The following GRAMD1C variants were observed in gnomAD, a reference collection of about 807,000 sequenced individuals.
The protein encoded by GRAMD1C is protein Aster-C.
Under a neutral mutation model 97.8 loss-of-function variants are expected in GRAMD1C, and 89 were observed. The ratio of observed to expected loss-of-function variants is 0.91; its 90% CI spans 0.77 to 1.09. The LOEUF is 1.09. GRAMD1C is among the 50% of genes least tolerant of loss of function. The pLI is 0.00. For missense variants in GRAMD1C, 740 were observed against 766.4 expected (o/e 0.97, Z 0.41); for synonymous variants, 256 against 267.0 (o/e 0.96, Z 0.40).
At chr3:113,836,137 G>T (rs913094220), upstream of GRAMD1C, among the ~76,000 whole-genome samples, 22 of 151,974 alleles carry the variant, frequency 1.4e-4, no homozygotes, top group Admixed American at 1.3e-3. Flanking sequence ...GGTGGTGGGC[G>T]CCTGTAGTCC....
intron 2 of GRAMD1C, among the ~76,000 whole-genome samples, chr3:113,852,211 T>G (rs2712334): frequency 0.45 from 68,485 of 151,908 alleles, 15,610 homozygotes; most frequent in Admixed American, 0.47. Context: ...ATTAGTATGT[T>G]TGTAACATAC....
chr3:113,914,217 A>G (rs1373186429), intron 9 of GRAMD1C, among the ~76,000 whole-genome samples: 2 of 152,290 alleles, frequency 1.3e-5, no homozygotes, highest in East Asian at 3.9e-4. Flanking sequence ...AGCTTAGCAA[A>G]ATTGCCTAGT....
At chr3:113,878,026 C>T (rs1935116436) in intron 5 of GRAMD1C, among the ~76,000 whole-genome samples, 1 of 152,178 alleles carries the variant, frequency 6.6e-6, no homozygotes, top group South Asian at 2.1e-4. Flanking sequence ...GCGATCCGCT[C>T]ACCTTGGCCT....
chr3:113,877,940 G>A (rs1935110797), intron 5 of GRAMD1C, among the ~76,000 whole-genome samples: 1 of 152,050 alleles, frequency 6.6e-6, no homozygotes, highest in African/African-American at 2.4e-5. Flanking sequence ...ACCATGCCCA[G>A]CTTATCTTTT....
chr3:113,833,120 C>CTTTTTTTTTTTT (rs200062835), intron 1 of GRAMD1C, among the ~76,000 whole-genome samples: 12 of 129,458 alleles, frequency 9.3e-5, no homozygotes, highest in African/African-American at 1.2e-4. Flanking sequence ...TTCTTTCTTT[C>CTTTTTTTTTTTT]TTTTTTTTTT....
chr3:113,913,101 GC>G (rs1442055964), intron 9 of GRAMD1C: 3 of 1,283,534 alleles, frequency 2.3e-6, no homozygotes, highest in East Asian at 1.1e-4. Context: ...TTAGTCATAC[GC>G]TGTTTACCTG....
chr3:113,933,107 A>G (rs1372618590), intron 11 of GRAMD1C, among the ~76,000 whole-genome samples: 1 of 150,722 alleles, frequency 6.6e-6, no homozygotes, highest in Admixed American at 6.6e-5. Context: ...CTGGTCTTGA[A>G]CTCCTGGCCA....
chr3:113,885,684 T>A, intron 6 of GRAMD1C: 2 of 1,523,190 alleles, frequency 1.3e-6, no homozygotes, highest in Non-Finnish European at 1.8e-6. Flanking sequence ...GCTGGTGGTG[T>A]TTACAGAAAG....
chr3:113,844,549 A>T lies in GRAMD1C; in HGVS notation c.74A>T (p.Asp25Val). The change falls in exon 2 of 18, where the codon GAT (aspartate) becomes GTT (valine). Residue 25 changes from aspartate (D) to valine (V), a missense_variant. Coordinates refer to ENST00000358160, the MANE Select transcript of GRAMD1C (RefSeq NM_017577.5). ...AGCCTTGCCACCGACTTACAGGAAG[A>T]TGTAGAGGAAAATCCTAGTCCAACT... ...DSSLATDLQE[D>V]VEENPSPTVE... 1 of 1,605,714 alleles carries T rather than the reference A, an allele frequency of 6.2e-7. No homozygotes were observed. The highest frequency in any genetic ancestry group is 1.3e-5 in the African/African-American group (1 of 74,828).
At chr3:113,832,039 G>GTTTTTTTTTTTTTTTTTTTTTTTTTTTT (rs113465428) in intron 1 of GRAMD1C, among the ~76,000 whole-genome samples, 2 of 149,522 alleles carry the variant, frequency 1.3e-5, no homozygotes, top group African/African-American at 5.1e-5. Context: ...CAGCAACTTT[G>GTTTTTTTTTTTTTTTTTTTTTTTTTTTT]TTTTTTTTGA....
intron 5 of GRAMD1C, among the ~76,000 whole-genome samples, chr3:113,877,834 A>G (rs181976508): frequency 6.6e-6 from 1 of 151,940 alleles, no homozygotes; most frequent in East Asian, 1.9e-4. Flanking sequence ...GCTCAAGGCA[A>G]TGGTGTGATC....
chr3:113,840,804 C>T (rs748127448), intron 1 of GRAMD1C, among the ~76,000 whole-genome samples: 1 of 152,198 alleles, frequency 6.6e-6, no homozygotes, highest in African/African-American at 2.4e-5. Context: ...GGCACAATAG[C>T]CCATCCTCCT....
chr3:113,877,299 A>G (rs141724883), intron 5 of GRAMD1C, among the ~76,000 whole-genome samples: 5 of 152,358 alleles, frequency 3.3e-5, no homozygotes, highest in East Asian at 1.9e-4. Context: ...ACATTTTTCT[A>G]TATAACCACA....
At chr3:113,916,617 T>C (rs1254297445) in intron 10 of GRAMD1C, among the ~76,000 whole-genome samples, 1 of 152,136 alleles carries the variant, frequency 6.6e-6, no homozygotes, top group African/African-American at 2.4e-5. Context: ...AGGTGAAGAC[T>C]GGGAGGGAGC....
intron 15 of GRAMD1C, chr3:113,939,053 GA>G (rs1045919102): frequency 6.6e-6 from 1 of 152,090 alleles, no homozygotes; most frequent in African/African-American, 2.4e-5. Context: ...TCAAAAGTTG[GA>G]ATATTAATCT....
intron 2 of GRAMD1C, among the ~76,000 whole-genome samples, chr3:113,862,557 G>A (rs553017531): frequency 1.8e-4 from 27 of 152,204 alleles, no homozygotes; most frequent in African/African-American, 6.3e-4. Flanking sequence ...AAACACACAT[G>A]CTCTACGAAT....
At position 113,878,725 on chromosome 3, in the gene GRAMD1C, C is replaced by T. The variant is rs139084510; in HGVS notation, c.459+2465C>T. ...CCTTTCCATATTTGTAACTCCCTTCCGTGGCTATGAGAAACCAGGCTCCCA... is the reference window on the plus strand; with the variant it reads ...CCTTTCCATATTTGTAACTCCCTTCTGTGGCTATGAGAAACCAGGCTCCCA... On this transcript the variant is annotated intron_variant, in intron 5 of 17. Transcript: ENST00000358160. 1.3e-4 allele frequency among the ~76,000 whole-genome samples: 20 copies of T among 152,224 alleles called. No individual in the cohort carries two copies. The East Asian group carries it at 3.1e-3, about 23-fold the overall frequency.
intron 1 of GRAMD1C, among the ~76,000 whole-genome samples, chr3:113,829,312 G>A (rs986948220): frequency 2.0e-5 from 3 of 152,194 alleles, no homozygotes; most frequent in African/African-American, 7.2e-5. Flanking sequence ...GCTGGATGGG[G>A]TGGTGTGGGC....
At chr3:113,937,703 T>C (rs1937603965) in intron 14 of GRAMD1C, among the ~76,000 whole-genome samples, 1 of 152,218 alleles carries the variant, frequency 6.6e-6, no homozygotes, top group South Asian at 2.1e-4. Flanking sequence ...CAAATGAGTA[T>C]TAAATTTCTG....
Sources: allele counts gnomAD v4.1 joint callset (sites outside exome capture counted in the v4.1 genomes callset), GRCh38; gene constraint gnomAD v4.1.1; transcripts MANE v1.5; gene names NCBI Gene and HGNC (gene_info 2026-07-23, HGNC 2026-07-21).